CDH13: variants seen among roughly 807,000 people sequenced by gnomAD.
The protein encoded by CDH13 is cadherin-13.
In CDH13, 24 loss-of-function variants were observed where a neutral mutation model predicts 63.8. That is an observed-to-expected ratio of 0.38 (90% CI 0.27 to 0.53). CDH13 has a LOEUF of 0.53. Ranked by LOEUF, CDH13 falls within the 20% of genes least tolerant of loss-of-function variation. CDH13 has a pLI of 0.85. For synonymous variants in CDH13, 503 were observed against 355.3 expected (o/e 1.42, Z -4.67); for missense variants, 1,049 against 903.1 (o/e 1.16, Z -2.07).
intron 6 of CDH13, among the ~76,000 whole-genome samples, chr16:83,476,420 C>A (rs949475038): frequency 6.6e-6 from 1 of 152,220 alleles, no homozygotes; most frequent in African/African-American, 2.4e-5. Context: ...CACCTGTAAT[C>A]CCAGCACTTT....
At chr16:82,944,614 A>G (rs942049629) in intron 2 of CDH13, among the ~76,000 whole-genome samples, 1 of 152,172 alleles carries the variant, frequency 6.6e-6, no homozygotes, top group East Asian at 1.9e-4. Context: ...ACATCCTACA[A>G]TATACAGGAC....
chr16:82,925,786 A>G (rs927941531), intron 2 of CDH13, among the ~76,000 whole-genome samples: 3 of 152,176 alleles, frequency 2.0e-5, no homozygotes, highest in African/African-American at 7.2e-5. Flanking sequence ...CTTGACCTCA[A>G]TAATATACCA....
intron 7 of CDH13, among the ~76,000 whole-genome samples, chr16:83,548,715 C>T (rs2075434398): frequency 6.6e-6 from 1 of 152,094 alleles, no homozygotes; most frequent in South Asian, 2.1e-4. Flanking sequence ...CACCATCCCC[C>T]ACAAGGCAGC....
intron 8 of CDH13, among the ~76,000 whole-genome samples, chr16:83,657,084 C>T (rs1448947226): frequency 6.6e-6 from 1 of 152,184 alleles, no homozygotes; most frequent in Non-Finnish European, 1.5e-5. Context: ...ACTAAAGTCA[C>T]ATGAATAAGA....
chr16:83,692,923 A>C (rs1905049871), intron 10 of CDH13, among the ~76,000 whole-genome samples: 1 of 152,162 alleles, frequency 6.6e-6, no homozygotes, highest in South Asian at 2.1e-4. Context: ...CTCTACTAAA[A>C]AATACAAAAA....
At chr16:83,400,744 G>A (rs1305548309) in intron 6 of CDH13, among the ~76,000 whole-genome samples, 3 of 152,192 alleles carry the variant, frequency 2.0e-5, no homozygotes, top group African/African-American at 4.8e-5. Flanking sequence ...AAGTGTGAAA[G>A]TGAGTCCCAT....
At chr16:83,505,154 C>G (rs1317979318) in intron 7 of CDH13, among the ~76,000 whole-genome samples, 3 of 152,194 alleles carry the variant, frequency 2.0e-5, no homozygotes, top group Non-Finnish European at 2.9e-5. Context: ...GAATTTGGTG[C>G]TCTTATTTCC....
chr16:82,802,896 C>T (rs2036937269), intron 1 of CDH13, among the ~76,000 whole-genome samples: 1 of 152,138 alleles, frequency 6.6e-6, no homozygotes, highest in Non-Finnish European at 1.5e-5. Context: ...GTGTGCTTTA[C>T]CTTTGCTGTC....
At chr16:82,738,956 C>T (rs1252124349) in intron 1 of CDH13, among the ~76,000 whole-genome samples, 1 of 152,182 alleles carries the variant, frequency 6.6e-6, no homozygotes, top group Non-Finnish European at 1.5e-5. Flanking sequence ...CTTTCCAGAA[C>T]CTTTTAGTGG....
chr16:83,216,326 G>T (rs1479175423), intron 4 of CDH13, among the ~76,000 whole-genome samples: 1 of 140,686 alleles, frequency 7.1e-6, no homozygotes, highest in Non-Finnish European at 1.5e-5. Flanking sequence ...TGGCCAGCTT[G>T]CTGACTCATT....
intron 6 of CDH13, among the ~76,000 whole-genome samples, chr16:83,359,257 T>C (rs917094491): frequency 7.2e-5 from 11 of 152,182 alleles, no homozygotes; most frequent in Admixed American, 6.5e-4. Flanking sequence ...ACCTTAAACA[T>C]GTTATCTTAC....
At chr16:82,818,906 T>C (rs1025579376) in intron 1 of CDH13, among the ~76,000 whole-genome samples, 1 of 152,204 alleles carries the variant, frequency 6.6e-6, no homozygotes, top group Non-Finnish European at 1.5e-5. Context: ...GTTATGCCTT[T>C]ATAAAACATT....
At chr16:83,180,477 G>A (rs57446965) in intron 4 of CDH13, among the ~76,000 whole-genome samples, 12,323 of 152,178 alleles carry the variant, frequency 0.081, 949 homozygotes, top group African/African-American at 0.21. Context: ...TAGAGCATGA[G>A]ACTTTTAACG....
At chr16:82,939,102 C>T (rs1430992117) in intron 2 of CDH13, among the ~76,000 whole-genome samples, 2 of 152,130 alleles carry the variant, frequency 1.3e-5, no homozygotes, top group African/African-American at 4.8e-5. Context: ...ACAGCATCTC[C>T]TCTGGTGTGG....
At chr16:83,553,215 A>C (rs1398287904) in intron 7 of CDH13, among the ~76,000 whole-genome samples, 2 of 152,250 alleles carry the variant, frequency 1.3e-5, no homozygotes, top group Non-Finnish European at 2.9e-5. Context: ...TAACATTCCA[A>C]GAGTTAAAAT....
At chr16:83,512,452 C>T (rs1242604692) in intron 7 of CDH13, among the ~76,000 whole-genome samples, 15 of 150,836 alleles carry the variant, frequency 9.9e-5, no homozygotes, top group African/African-American at 2.4e-4. Context: ...GGGTGGATCA[C>T]GAGGTCAGGA....
intron 6 of CDH13, among the ~76,000 whole-genome samples, chr16:83,357,933 C>T (rs1205798158): frequency 1.3e-5 from 2 of 152,134 alleles, no homozygotes; most frequent in Non-Finnish European, 2.9e-5. Flanking sequence ...TGTTGCCAGG[C>T]CCTCTGCTGA....
chr16:83,156,657 C>A (rs975767383), intron 4 of CDH13, among the ~76,000 whole-genome samples: 1 of 152,194 alleles, frequency 6.6e-6, no homozygotes, highest in Admixed American at 6.5e-5. Flanking sequence ...GTTTTACTCA[C>A]CTGCTGCCAG....
In CDH13 at chr16:83,017,532, A is replaced by G. The variant is rs550981482; in HGVS notation, c.158-14478A>G. 2.0e-5 allele frequency among the ~76,000 whole-genome samples: 3 copies of G among 152,278 alleles called. No individual in the cohort carries two copies. In the East Asian group the frequency reaches 5.8e-4, roughly 29 times the overall value. On this transcript the variant is annotated intron_variant, in intron 2 of 13. Coordinates refer to ENST00000567109, the MANE Select transcript of CDH13 (RefSeq NM_001257.5). ...ATGTGTGACCTTAAGAAATGTTCTT[A>G]CTCTCTGAGCTTCAGGTTTTCTCCC...
Sources: allele counts gnomAD v4.1 joint callset (sites outside exome capture counted in the v4.1 genomes callset), GRCh38; gene constraint gnomAD v4.1.1; transcripts MANE v1.5; gene names NCBI Gene and HGNC (gene_info 2026-07-23, HGNC 2026-07-21).